Variants in PER1 observed in about 807,000 individuals in gnomAD.
PER1 encodes period circadian protein homolog 1.
PER1 carries 87 observed loss-of-function variants against 125.9 expected under a neutral mutation model. The ratio of observed to expected loss-of-function variants is 0.69; its 90% CI spans 0.58 to 0.83. PER1 has a LOEUF of 0.83. Ranked by LOEUF, PER1 falls within the 40% of genes least tolerant of loss-of-function variation. The pLI is 0.00. For synonymous variants in PER1, 801 were observed against 714.7 expected, an observed-to-expected ratio of 1.12 and a Z score of -1.93; for missense variants, 1,775 against 1,722.8, an observed-to-expected ratio of 1.03 and a Z score of -0.54.
intron 18 of PER1, chr17:8,144,334 G>A: frequency 2.4e-6 from 1 of 413,630 alleles, no homozygotes; most frequent in East Asian, 3.6e-5. Flanking sequence ...TCTGCCTGCA[G>A]GGGATCTCCC....
At position 8,147,302 on chromosome 17, in the gene PER1, G is replaced by A. The variant is rs1425101227; in HGVS notation, c.1577C>T (p.Ser526Phe). Residue 526 changes from serine to phenylalanine, a missense_variant, in exon 13 of 23, where the codon TCC (serine) becomes TTC (phenylalanine). Coordinates refer to ENST00000317276, the MANE Select transcript of PER1 (RefSeq NM_002616.3). ...TSPGPLHSPG[S>F]SSDSNGGDAE... ...ATCACCCCCGTTGCTATCACTGGAG[G>A]ACCCAGGGCTGTGGAGAGGGCCTGG... The A allele has an allele frequency of 1.2e-6, 2 of 1,613,462 alleles. No individual in the cohort carries two copies. The highest frequency in any genetic ancestry group is 2.2e-5 in the East Asian group (1 of 44,874).
intron 6 of PER1, 34 bp downstream of exon 6, chr17:8,149,428 G>A (rs772401122): frequency 1.2e-5 from 19 of 1,608,280 alleles, no homozygotes; most frequent in South Asian, 2.2e-5. Context: ...TCCTGGGACT[G>A]CTCATGCCTC....
intron 7 of PER1, 189 bp from the exon 8 acceptor site, chr17:8,148,975 G>A (rs1982640778): frequency 1.5e-6 from 1 of 669,900 alleles, no homozygotes; most frequent in African/African-American, 1.8e-5. Flanking sequence ...GATCACCTGA[G>A]GTCAGGAGTT....
rs746061453 is a variant in PER1, at chr17:8,147,036, G to C, written c.1630-34C>G. On this transcript the variant is annotated intron_variant, in intron 13 of 22. Transcript: ENST00000317276. ...CACAGCACCACAGTGAGCAGAACCA[G>C]GGGGTGTCGCCAGTGTCAGGGGCCA... is the stretch of plus-strand genomic sequence containing the variant. 1.9e-5 allele frequency: 30 copies of C among 1,569,058 alleles called. No homozygotes were observed. The African/African-American group carries it at 2.0e-4, about 11-fold the overall frequency.
chr17:8,142,543 C>T (rs991065611), intron 20 of PER1, 85 bp from the exon 21 acceptor site: 1 of 1,552,988 alleles, frequency 6.4e-7, no homozygotes, highest in Non-Finnish European at 8.7e-7. Flanking sequence ...TCAAAGGCCA[C>T]ATGTCCATCC....
In PER1 at chr17:8,140,907, G is replaced by GC. The variant is rs1490239493; in HGVS notation, c.*160dup. The GC allele has an allele frequency of 1.3e-6, 1 of 779,722 alleles. No homozygotes were observed. The highest frequency in any genetic ancestry group is 2.1e-6 in the Non-Finnish European group (1 of 485,576). 48.3% of individuals were successfully genotyped at this position (779,722 alleles called of 1,614,324 possible). A position where few individuals can be genotyped will look rare whatever the true frequency, so the allele number is the denominator to read the frequency against. ...TCTGCTCCCTAAGAGGCCAGAGGCA[G>GC]CCCCTGGATCCTAGGCTGGTGATGG... On this transcript the variant is annotated 3_prime_UTR_variant, in exon 23 of 23. Coordinates refer to ENST00000317276, the MANE Select transcript of PER1 (RefSeq NM_002616.3).
chr17:8,149,675 G>C lies in PER1; in HGVS notation c.652-12C>G, dbSNP rs112646699. 2.1e-3 allele frequency: 3,360 copies of C among 1,609,786 alleles called. 53 individuals carry two copies. In the African/African-American group the frequency reaches 0.038, roughly 18 times the overall value. Reference sequence around the variant, plus strand: ...ACTGAGAAGGTATCCTGGCAGGAGGGGGAGAGCAAGAGCAGATTCAAGAGC... The same window carrying C: ...ACTGAGAAGGTATCCTGGCAGGAGGCGGAGAGCAAGAGCAGATTCAAGAGC... On this transcript the variant is annotated splice_polypyrimidine_tract_variant and intron_variant, in intron 5 of 22. Transcript: ENST00000317276.
Position 8,143,686 on chromosome 17 carries a change from G to A in PER1, c.2652C>T (p.Tyr884=), listed in dbSNP as rs1982235138. 13 of 1,493,246 alleles carry A rather than the reference G, an allele frequency of 8.7e-6. No homozygotes were observed. The highest frequency in any genetic ancestry group is 1.4e-5 in the African/African-American group (1 of 71,336). The allele number at this position is 1,493,246 out of a possible 1,614,324, so 92.5% of individuals were successfully genotyped here. Residue 884 remains tyrosine (Y), a synonymous_variant, in exon 19 of 23, where the codon TAC becomes TAT. Transcript: ENST00000317276. ...CTCGAGGAGAGAACACTGGGAGAGGGTAGGGCTGGACAACCGCTGGGAAGG... is the reference window on the plus strand; with the variant it reads ...CTCGAGGAGAGAACACTGGGAGAGGATAGGGCTGGACAACCGCTGGGAAGG... ...TTPFPAVVQP[Y]PLPVFSPRGG...
chr17:8,149,312 TG>T lies in PER1; in HGVS notation c.854-3del. 2 of 1,613,878 alleles carry T rather than the reference TG, an allele frequency of 1.2e-6. No individual in the cohort carries two copies. Among genetic ancestry groups the T allele is most frequent in the Middle Eastern group, 3.3e-4 (2 of 6,060 alleles). On this transcript the variant is annotated splice_polypyrimidine_tract_variant and splice_region_variant and intron_variant, in intron 6 of 22. Coordinates refer to ENST00000317276, the MANE Select transcript of PER1 (RefSeq NM_002616.3). Reference sequence around the variant, plus strand: ...GGGTAAAGTCCCTGAGGCCTGAACCTGGGACAGACAGGAGAGGAGTGAGCAC... The same window carrying T: ...GGGTAAAGTCCCTGAGGCCTGAACCTGGACAGACAGGAGAGGAGTGAGCAC...
chr17:8,148,879 G>A, intron 7 of PER1, 93 bp from the exon 8 acceptor site: 2 of 1,462,868 alleles, frequency 1.4e-6, no homozygotes, highest in South Asian at 2.4e-5. Context: ...CAAAGACGCT[G>A]GGGAGGGGGC....
Position 8,143,684 on chromosome 17 carries a change from G to T in PER1, c.2654C>A (p.Pro885His). The change falls in exon 19 of 23, where the codon CCT becomes CAT. Residue 885 changes from proline to histidine, a missense_variant. By Grantham distance (77) the Pro-to-His change is moderately conservative (BLOSUM62 -2). Transcript: ENST00000317276. ...TPFPAVVQPY[P>H]LPVFSPRGGP... ...TCCTCGAGGAGAGAACACTGGGAGA[G>T]GGTAGGGCTGGACAACCGCTGGGAA... 6.7e-7 allele frequency: 1 copy of T among 1,498,064 alleles called. No homozygotes were observed. 92.8% of individuals were successfully genotyped at this position (1,498,064 alleles called of 1,614,324 possible). A position where few individuals can be genotyped will look rare whatever the true frequency, so the allele number is the denominator to read the frequency against.
In PER1 at chr17:8,151,756, A is replaced by AC. The variant is rs978548080; in HGVS notation, c.-140+580dup. 4.1e-5 allele frequency among the ~76,000 whole-genome samples: 6 copies of AC among 146,988 alleles called. No individual in the cohort carries two copies. The East Asian group carries it at 5.9e-4, about 15-fold the overall frequency. On this transcript the variant is annotated intron_variant, in intron 1 of 22. Coordinates refer to ENST00000317276, the MANE Select transcript of PER1 (RefSeq NM_002616.3). ...TTCAGTCCCCTACTTTTCTGGCCAG[A>AC]CCCCCCCACCAACCCCAAGCCTTGG...
At chr17:8,145,911 G>A (rs1358929855) in intron 17 of PER1, 47 bp downstream of exon 17, 1 of 1,540,230 alleles carries the variant, frequency 6.5e-7, no homozygotes, top group African/African-American at 1.4e-5. Context: ...GCTCTAGCTG[G>A]GAGACCGGTG....
rs758795367 is a variant in PER1, at chr17:8,144,775, C to T, written c.2437G>A (p.Ala813Thr). 1.1e-5 allele frequency: 18 copies of T among 1,579,456 alleles called. No homozygotes were observed. Among genetic ancestry groups the T allele is most frequent in the Middle Eastern group, 1.7e-4 (1 of 6,040 alleles). ...RLRGLDSSST[A>T]PSALGERGCH... The stretch of plus-strand genomic sequence containing the variant: ...CCTCGCTCGCCAAGGGCTGAGGGAG[C>T]TGTGGAAGAGCTGTCGAGTCCACGC... Residue 813 changes from alanine to threonine, a missense_variant, in exon 18 of 23, where the codon GCT (alanine) becomes ACT (threonine). By Grantham distance (58) the Ala-to-Thr change is moderately conservative (BLOSUM62 0). Transcript: ENST00000317276.
intron 22 of PER1, 146 bp from the exon 23 acceptor site, chr17:8,141,486 A>C: frequency 2.1e-6 from 2 of 952,212 alleles, no homozygotes; most frequent in Non-Finnish European, 3.1e-6. Context: ...GCGGTCCAAC[A>C]AGGTTGGACA....
At chr17:8,149,201 CAAAAACAAAAACA>C (rs1982661713) in intron 7 of PER1, 45 bp downstream of exon 7, 2 of 1,465,414 alleles carry the variant, frequency 1.4e-6, no homozygotes, top group Non-Finnish European at 9.3e-7. Context: ...AAAGCAAAAA[CAAAAACAAAAACA>C]AAAAAAAAAG....
Position 8,142,277 on chromosome 17 carries a change from C to A in PER1, c.3441G>T (p.Val1147=). 1 of 1,593,826 alleles carries A rather than the reference C, an allele frequency of 6.3e-7. No homozygotes were observed. The highest frequency in any genetic ancestry group is 8.5e-7 in the Non-Finnish European group (1 of 1,170,040). The part of the protein sequence containing the change: ...ADQRVMMTYQ[V]PSRDMTSVLK... The stretch of plus-strand genomic sequence containing the variant: ...CCTCTGAAATGCCTCACCTGGAGGG[C>A]ACCTGGTAGGTCATCATGACGCGCT... The change falls in exon 21 of 23, where the codon GTG becomes GTT. Residue 1147 remains valine, a synonymous_variant. Transcript: ENST00000317276.
At chr17:8,148,906 A>G in intron 7 of PER1, 120 bp from the exon 8 acceptor site, 1 of 1,220,750 alleles carries the variant, frequency 8.2e-7, no homozygotes. Context: ...AGGCAGAGGT[A>G]GGCCGGGCAC....
At chr17:8,148,902 A>AG (rs2151861397) in intron 7 of PER1, 116 bp from the exon 8 acceptor site, 1 of 1,273,192 alleles carries the variant, frequency 7.9e-7, no homozygotes, top group South Asian at 1.3e-5. Flanking sequence ...GAGGAGGCAG[A>AG]GGTAGGCCGG....
Sources: gnomAD v4.1 joint callset for allele counts (sites outside exome capture counted in the v4.1 genomes callset) on GRCh38, gnomAD v4.1.1 for gene constraint, MANE v1.5 for transcripts, NCBI Gene and HGNC (gene_info 2026-07-23, HGNC 2026-07-21) for gene names.